The following CDH17 variants were observed in gnomAD, a reference collection of about 807,000 sequenced individuals.
CDH17 encodes the protein cadherin 17.
Under a neutral mutation model 86.3 loss-of-function variants are expected in CDH17, and 67 were observed. The observed-to-expected ratio is 0.78, with a 90% confidence interval of 0.64 to 0.95. The LOEUF is 0.95. CDH17 is among the 40% of genes least tolerant of loss of function. CDH17 has a pLI of 0.00. For synonymous variants in CDH17, 367 were observed against 366.4 expected, an observed-to-expected ratio of 1.00 and a Z score of -0.02; for missense variants, 993 against 1,017.6, an observed-to-expected ratio of 0.98 and a Z score of 0.33.
At chr8:94,210,352 C>T (rs1814104099), upstream of CDH17, among the ~76,000 whole-genome samples, 2 of 151,896 alleles carry the variant, frequency 1.3e-5, no homozygotes, top group South Asian at 4.2e-4. Context: ...ATCTCTAGCC[C>T]CCAGCTTCCA....
rs1563581092 is a variant in CDH17 at position 94,177,734 on chromosome 8, CA to C, written c.151-14del. On this transcript the variant is annotated splice_polypyrimidine_tract_variant and intron_variant, in intron 3 of 17. Transcript: ENST00000027335. Reference sequence around the variant, plus strand: ...GATTGGCCTTAAACTGGGGAAAAAGCAAAAAACAGATTAAGTTGTAAGGGAA... The same window carrying C: ...GATTGGCCTTAAACTGGGGAAAAAGCAAAAACAGATTAAGTTGTAAGGGAA... 6.2e-7 allele frequency: 1 copy of C among 1,603,776 alleles called. No homozygotes were observed. Among genetic ancestry groups the C allele is most frequent in the Admixed American group, 1.7e-5 (1 of 57,252 alleles).
chr8:94,195,962 G>A (rs187185453), intron 1 of CDH17, among the ~76,000 whole-genome samples: 150 of 151,842 alleles, frequency 9.9e-4, no homozygotes, highest in Middle Eastern at 3.4e-3. Flanking sequence ...GGGTTTTGCC[G>A]TGTTAGCCAC....
intron 1 of CDH17, among the ~76,000 whole-genome samples, chr8:94,215,319 A>G (rs1200964311): frequency 1.3e-5 from 2 of 151,440 alleles, no homozygotes; most frequent in African/African-American, 4.9e-5. Flanking sequence ...ATTCATATAA[A>G]AAGATATGAA....
intron 17 of CDH17, among the ~76,000 whole-genome samples, chr8:94,129,903 TTGGGTCTC>T (rs1243625729): frequency 3.3e-5 from 5 of 152,224 alleles, no homozygotes; most frequent in African/African-American, 1.2e-4. Context: ...GTGTTGAGAC[TTGGGTCTC>T]ATCCCCAAGA....
At chr8:94,176,425 T>G in intron 5 of CDH17, 116 bp downstream of exon 5, 1 of 1,093,926 alleles carries the variant, frequency 9.1e-7, no homozygotes, top group Non-Finnish European at 1.3e-6. Context: ...CAGTGTGAAA[T>G]GTAGGTAAGA....
At chr8:94,160,387 A>G (rs548519128) in intron 11 of CDH17, among the ~76,000 whole-genome samples, 1 of 152,342 alleles carries the variant, frequency 6.6e-6, no homozygotes, top group South Asian at 2.1e-4. Context: ...TCAGAGAGCT[A>G]CTGGTAGGAT....
chr8:94,140,197 G>A (rs954115101), intron 15 of CDH17, among the ~76,000 whole-genome samples: 1 of 152,104 alleles, frequency 6.6e-6, no homozygotes. Context: ...TGAGGTGGGA[G>A]GCTCACTTGA....
chr8:94,194,669 T>C lies in CDH17; in HGVS notation c.17A>G (p.His6Arg). The change falls in exon 2 of 18, where the codon CAT (histidine) becomes CGT (arginine). Residue 6 changes from histidine to arginine, a missense_variant. Coordinates refer to ENST00000027335, the MANE Select transcript of CDH17 (RefSeq NM_004063.4). MILQA[H>R]LHSLCLLMLY... ...CATAAGAAGACACAGGGAGTGAAGA[T>C]GGGCCTGAAGTATCATAGTTTTCTT... is the stretch of plus-strand genomic sequence containing the variant. 6.2e-7 allele frequency: 1 copy of C among 1,607,648 alleles called. No homozygotes were observed. Among genetic ancestry groups the C allele is most frequent in the South Asian group, 1.1e-5 (1 of 90,454 alleles).
In CDH17 at chr8:94,189,249, G is replaced by A. The variant is rs766756722; in HGVS notation, c.88C>T (p.Pro30Ser). 6.8e-6 allele frequency: 11 copies of A among 1,612,460 alleles called. No homozygotes were observed. In the East Asian group the frequency reaches 1.1e-4, roughly 16 times the overall value. ...GYGQEGKFSG[P>S]LKPMTFSIYE... ...ATAGAAAATGTCATGGGTTTCAGGGGTCCACTAAACTTCCCCTCTTGGCCA... is the reference window on the plus strand; with the variant it reads ...ATAGAAAATGTCATGGGTTTCAGGGATCCACTAAACTTCCCCTCTTGGCCA... Residue 30 changes from proline to serine, a missense_variant, in exon 3 of 18, where the codon CCC becomes TCC. Coordinates refer to ENST00000027335, the MANE Select transcript of CDH17 (RefSeq NM_004063.4).
upstream of CDH17, among the ~76,000 whole-genome samples, chr8:94,211,850 T>C (rs1262506394): frequency 1.3e-5 from 2 of 152,372 alleles, no homozygotes; most frequent in African/African-American, 4.8e-5. Flanking sequence ...CAATTAGTAC[T>C]CAATAAGTAC....
At chr8:94,175,962 T>C (rs1245715249) in intron 5 of CDH17, among the ~76,000 whole-genome samples, 1 of 152,098 alleles carries the variant, frequency 6.6e-6, no homozygotes, top group Non-Finnish European at 1.5e-5. Context: ...GATCACAACT[T>C]ACTGCAGCCT....
rs984800087 is a variant in CDH17 at position 94,194,652 on chromosome 8, G to A, written c.34C>T (p.Leu12Phe). 5 of 1,605,340 alleles carry A rather than the reference G, an allele frequency of 3.1e-6. No individual in the cohort carries two copies. The highest frequency in any genetic ancestry group is 4.3e-6 in the Non-Finnish European group (5 of 1,173,766). Residue 12 changes from leucine (L) to phenylalanine (F), a missense_variant, in exon 2 of 18, where the codon CTT becomes TTT. Physicochemically the swap from Leu to Phe is conservative, Grantham distance 22 (BLOSUM62 0). Coordinates refer to ENST00000027335, the MANE Select transcript of CDH17 (RefSeq NM_004063.4). ...TCTCTTACCAAATAAAGCATAAGAA[G>A]ACACAGGGAGTGAAGATGGGCCTGA... ...ILQAHLHSLC[L>F]LMLYLATGYG...
intron 1 of CDH17, among the ~76,000 whole-genome samples, chr8:94,216,568 T>TG (rs1290439628): frequency 2.0e-5 from 3 of 150,298 alleles, no homozygotes; most frequent in South Asian, 2.1e-4. Context: ...GGTTTGTTTT[T>TG]TTTTTTTTTT....
chr8:94,140,737 T>C (rs983606702), intron 15 of CDH17, among the ~76,000 whole-genome samples: 1 of 152,174 alleles, frequency 6.6e-6, no homozygotes, highest in Non-Finnish European at 1.5e-5. Context: ...CTACATATTC[T>C]ACAGATATTA....
intron 15 of CDH17, among the ~76,000 whole-genome samples, chr8:94,144,966 C>T (rs73697106): frequency 0.014 from 2,199 of 152,262 alleles, 65 homozygotes; most frequent in African/African-American, 0.05. Flanking sequence ...TACTACTCCA[C>T]TCCCACTGGA....
intron 7 of CDH17, among the ~76,000 whole-genome samples, chr8:94,172,115 G>A (rs116368086): frequency 0.034 from 5,111 of 151,044 alleles, 274 homozygotes; most frequent in African/African-American, 0.12. Flanking sequence ...TGAAAATTGG[G>A]TAGGCACTCT....
chr8:94,130,707 A>G lies in CDH17; in HGVS notation c.2317T>C (p.Phe773Leu), dbSNP rs1290688056. Reference sequence around the variant, plus strand: ...CCAGTCTGGTGACCTGCTGGCCGGAAACAACTTCCTTCCACACAACTGCAG... The same window carrying G: ...CCAGTCTGGTGACCTGCTGGCCGGAGACAACTTCCTTCCACACAACTGCAG... ...TFCSCVEGSCFRPAGHQTGIP... is the reference protein window; with the variant it reads ...TFCSCVEGSCLRPAGHQTGIP... The change falls in exon 17 of 18, where the codon TTC becomes CTC. Residue 773 changes from phenylalanine to leucine, a missense_variant. By Grantham distance (22) the Phe-to-Leu change is conservative. Transcript: ENST00000027335. The G allele has an allele frequency of 1.2e-6, 2 of 1,613,948 alleles. No individual in the cohort carries two copies.
At position 94,200,532 on chromosome 8, in the gene CDH17, C is replaced by CTTTTTTTTTTTTTTTTTTTTT. The variant is rs1387182561; in HGVS notation, c.-20-5828_-20-5827insAAAAAAAAAAAAAAAAAAAAA. ...TAGATCAGAGGGTTATTATTATTAT[C>CTTTTTTTTTTTTTTTTTTTTT]TTTTGTTTTTTTTTTTTTTTTTTTT... On this transcript the variant is annotated intron_variant, in intron 1 of 17. Coordinates refer to ENST00000027335, the MANE Select transcript of CDH17 (RefSeq NM_004063.4). Among the ~76,000 whole-genome samples, 5 of 50,236 alleles carry CTTTTTTTTTTTTTTTTTTTTT rather than the reference C, an allele frequency of 1.0e-4. 2 individuals are homozygous for CTTTTTTTTTTTTTTTTTTTTT. The highest frequency in any genetic ancestry group is 7.1e-4 in the South Asian group (1 of 1,400). 33.0% of individuals were successfully genotyped at this position (50,236 alleles called of 152,430 possible).
intron 3 of CDH17, 103 bp from the exon 4 acceptor site, chr8:94,177,824 T>A: frequency 9.2e-7 from 1 of 1,083,656 alleles, no homozygotes; most frequent in Non-Finnish European, 1.3e-6. Context: ...TTGGTTCAAT[T>A]ACTAAATAAG....
Sources: allele counts gnomAD v4.1 joint callset (sites outside exome capture counted in the v4.1 genomes callset), GRCh38; gene constraint gnomAD v4.1.1; transcripts MANE v1.5; gene names NCBI Gene and HGNC (gene_info 2026-07-23, HGNC 2026-07-21).